MARK2: variants seen among roughly 807,000 people sequenced by gnomAD.
MARK2 encodes the protein serine/threonine-protein kinase MARK2.
Under a neutral mutation model 89.8 loss-of-function variants are expected in MARK2, and 16 were observed. The ratio of observed to expected loss-of-function variants is 0.18; its 90% CI spans 0.12 to 0.27. The LOEUF is 0.27. MARK2 is among the 10% of genes least tolerant of loss of function. The pLI is 1.00. For synonymous variants in MARK2, 382 were observed against 399.5 expected (o/e 0.96, Z 0.52); for missense variants, 621 against 1,049.9 (o/e 0.59, Z 5.65).
At chr11:63,843,687 C>T (rs964253791) in intron 1 of MARK2, among the ~76,000 whole-genome samples, 5 of 151,750 alleles carry the variant, frequency 3.3e-5, no homozygotes, top group African/African-American at 1.2e-4. Context: ...TGTAGCGATG[C>T]GATCTCGGCT....
At chr11:63,899,248 TC>T (rs200915889) in intron 7 of MARK2, 140 bp downstream of exon 7, 1 of 632,600 alleles carries the variant, frequency 1.6e-6, no homozygotes, top group Non-Finnish European at 2.7e-6. Flanking sequence ...TTTCTTTCTT[TC>T]TTTTTTTTTT....
chr11:63,875,672 C>T (rs887064727), intron 1 of MARK2, among the ~76,000 whole-genome samples: 1 of 152,182 alleles, frequency 6.6e-6, no homozygotes, highest in Non-Finnish European at 1.5e-5. Context: ...TGAGATGGGG[C>T]AGATGTATGC....
In MARK2 at chr11:63,904,833, T is replaced by G. The variant is rs1206350852; in HGVS notation, c.1724T>G (p.Ile575Ser). Residue 575 changes from isoleucine to serine, a missense_variant, in exon 16 of 19, where the codon ATC (isoleucine) becomes AGC (serine). Physicochemically the swap from Ile to Ser is moderately radical, Grantham distance 142. This residue lies in a region of MARK2 where 397 missense variants were observed against 567.8 expected (regional missense o/e 0.70). Coordinates refer to ENST00000402010, the MANE Select transcript of MARK2 (RefSeq NM_001039469.3). The surrounding 1 kb of genome is among the most constrained non-coding windows in gnomAD (Gnocchi z 6.3). ...GTTGCCTCCCCATCCGCCCACAACA[T>G]CAGCAGCAGTGGTGGAGCCCCAGAC... is the stretch of plus-strand genomic sequence containing the variant. ...VPVASPSAHN[I>S]SSSGGAPDRT... The G allele has an allele frequency of 6.2e-7, 1 of 1,613,998 alleles. No individual in the cohort carries two copies. The highest frequency in any genetic ancestry group is 8.5e-7 in the Non-Finnish European group (1 of 1,179,984).
intron 1 of MARK2, among the ~76,000 whole-genome samples, chr11:63,886,635 G>T (rs533803860): frequency 6.6e-5 from 10 of 152,282 alleles, no homozygotes; most frequent in African/African-American, 2.4e-4. Context: ...TGTTGCTTAG[G>T]CTGGTCTCGA....
intron 1 of MARK2, among the ~76,000 whole-genome samples, chr11:63,846,119 G>T (rs2016264000): frequency 6.6e-6 from 1 of 152,134 alleles, no homozygotes; most frequent in Non-Finnish European, 1.5e-5. Flanking sequence ...CTCAGAGGAG[G>T]AGGCATCCCA....
chr11:63,864,874 T>A (rs1296694981), intron 1 of MARK2, among the ~76,000 whole-genome samples: 1 of 152,026 alleles, frequency 6.6e-6, no homozygotes, highest in Non-Finnish European at 1.5e-5. Context: ...AAGATTTACT[T>A]ATCCAAAAGC....
intron 1 of MARK2, among the ~76,000 whole-genome samples, chr11:63,867,180 C>G (rs964877251): frequency 2.0e-5 from 3 of 152,202 alleles, no homozygotes; most frequent in Non-Finnish European, 1.5e-5. Flanking sequence ...TCATGTGCCA[C>G]AACACCCAGC....
Position 63,902,622 on chromosome 11 carries a change from C to A in MARK2, c.1256C>A (p.Thr419Asn). The A allele has an allele frequency of 6.2e-7, 1 of 1,614,078 alleles. No individual in the cohort carries two copies. The highest frequency in any genetic ancestry group is 8.5e-7 in the Non-Finnish European group (1 of 1,179,974). ...SDQAAGPAIP[T>N]SNSYSKKTQS... ...CCAGCAGCTGGTCCTGCCATTCCCA[C>A]CTCTAATTCTTACTCTAAGAAGACT... The change falls in exon 13 of 19, where the codon ACC becomes AAC. Residue 419 changes from threonine (T) to asparagine (N), a missense_variant. Thr to Asn is a moderately conservative substitution (Grantham distance 65). Transcript: ENST00000402010. The surrounding 1 kb of genome is among the most constrained non-coding windows in gnomAD (Gnocchi z 4.2).
rs921497529 is a variant in MARK2, at chr11:63,907,861, C to G, written c.1962-399C>G. Among the ~76,000 whole-genome samples, 5 of 152,262 alleles carry G rather than the reference C, an allele frequency of 3.3e-5. 1 individual carries two copies. The highest frequency in any genetic ancestry group is 3.3e-4 in the Admixed American group (5 of 15,292). ...AGACCCTAGCGTGTGGCTCCAAAAA[C>G]GCACTCACACCTGCAACCCCCAGAA... is the stretch of plus-strand genomic sequence containing the variant. On this transcript the variant is annotated intron_variant, in intron 17 of 18. Coordinates refer to ENST00000402010, the MANE Select transcript of MARK2 (RefSeq NM_001039469.3).
intron 1 of MARK2, among the ~76,000 whole-genome samples, chr11:63,869,598 T>C (rs573136033): frequency 2.0e-5 from 3 of 152,272 alleles, no homozygotes; most frequent in South Asian, 4.1e-4. Context: ...ATGATCCTTC[T>C]TGAGGGCACC....
rs1219135339 is a variant in MARK2, at chr11:63,910,502, T to A, written c.*1265T>A. On this transcript the variant is annotated 3_prime_UTR_variant, in exon 19 of 19. Transcript: ENST00000402010. ...GCGTGGGCGGTTTGGGGCGCTTGGC[T>A]GGTGGTGGCCACTGCATCCCTTAAT... The A allele has an allele frequency of 6.6e-6, 1 of 152,264 alleles. No individual in the cohort carries two copies. The highest frequency in any genetic ancestry group is 1.5e-5 in the Non-Finnish European group (1 of 68,094). The allele number at this position is 152,264 out of a possible 1,614,324, so 9.4% of individuals were successfully genotyped here.
At chr11:63,885,703 A>G (rs1939353068) in intron 1 of MARK2, among the ~76,000 whole-genome samples, 1 of 151,986 alleles carries the variant, frequency 6.6e-6, no homozygotes, top group Non-Finnish European at 1.5e-5. Context: ...ACGTGGTGGC[A>G]CGCACCTGTA....
At chr11:63,866,386 A>G (rs1938133899) in intron 1 of MARK2, among the ~76,000 whole-genome samples, 1 of 152,042 alleles carries the variant, frequency 6.6e-6, no homozygotes, top group Non-Finnish European at 1.5e-5. Context: ...GTTTAAAAGC[A>G]AACACCCTGC....
At chr11:63,840,314 A>AATC (rs1328656400) in intron 1 of MARK2, among the ~76,000 whole-genome samples, 2 of 152,044 alleles carry the variant, frequency 1.3e-5, no homozygotes, top group African/African-American at 4.8e-5. Context: ...TTGGGGTTCC[A>AATC]ATCATCACTC....
At position 63,909,528 on chromosome 11, in the gene MARK2, C is replaced by T. The variant is rs1387546908; in HGVS notation, c.*291C>T. 4 of 304,932 alleles carry T rather than the reference C, an allele frequency of 1.3e-5. No individual in the cohort carries two copies. Among genetic ancestry groups the T allele is most frequent in the East Asian group, 5.6e-5 (1 of 17,820 alleles). The allele number at this position is 304,932 out of a possible 1,614,324, so 18.9% of individuals were successfully genotyped here. Reference sequence around the variant, plus strand: ...GGGGCAGGGCTCCCCCTCGGTACTGCGGTTGCACAGAGTATTTCGCCTAAA... The same window carrying T: ...GGGGCAGGGCTCCCCCTCGGTACTGTGGTTGCACAGAGTATTTCGCCTAAA... On this transcript the variant is annotated 3_prime_UTR_variant, in exon 19 of 19. Coordinates refer to ENST00000402010, the MANE Select transcript of MARK2 (RefSeq NM_001039469.3).
chr11:63,883,157 T>C (rs953919365), intron 1 of MARK2, among the ~76,000 whole-genome samples: 13 of 152,196 alleles, frequency 8.5e-5, no homozygotes, highest in African/African-American at 3.1e-4. Flanking sequence ...GGCTGTTTCA[T>C]GGACCTTTTC....
At chr11:63,892,687 TA>T (rs1263975561) in intron 1 of MARK2, among the ~76,000 whole-genome samples, 1 of 150,438 alleles carries the variant, frequency 6.6e-6, no homozygotes, top group Non-Finnish European at 1.5e-5. Context: ...TTGTGAGATG[TA>T]AACCAGGGCG....
intron 1 of MARK2, among the ~76,000 whole-genome samples, chr11:63,864,338 C>T (rs1048946531): frequency 8.6e-5 from 13 of 151,738 alleles, no homozygotes; most frequent in Middle Eastern, 3.5e-3. Flanking sequence ...CCGCAACCTC[C>T]GCCTCCCAGG....
intron 1 of MARK2, among the ~76,000 whole-genome samples, chr11:63,865,570 A>C (rs376561164): frequency 6.6e-6 from 1 of 152,068 alleles, no homozygotes; most frequent in East Asian, 1.9e-4. Flanking sequence ...GCTTCCTTGG[A>C]GAGTGTGGCA....
Sources: allele counts gnomAD v4.1 joint callset (sites outside exome capture counted in the v4.1 genomes callset), GRCh38; gene constraint gnomAD v4.1.1; regional missense constraint gnomAD v4.1.1; non-coding constraint Gnocchi (gnomAD v3.1); transcripts MANE v1.5; gene names NCBI Gene and HGNC (gene_info 2026-07-23, HGNC 2026-07-21).